Variants in AMZ2 observed in about 807,000 individuals in gnomAD.
AMZ2 encodes archaelysin family metallopeptidase 2, also known as archaemetzincin-2.
A neutral mutation model predicts 36.7 loss-of-function variants in AMZ2; 26 were observed. The ratio of observed to expected loss-of-function variants is 0.71; its 90% CI spans 0.52 to 0.98. The LOEUF (loss-of-function observed/expected upper bound fraction) is 0.98, where lower values mean the gene tolerates loss of function less well. Ranked by LOEUF, AMZ2 falls within the 50% of genes least tolerant of loss-of-function variation. The probability of loss-of-function intolerance (pLI) is 0.00; values close to 1 mark genes in which losing one functional copy is unlikely to be tolerated. For synonymous variants in AMZ2, 144 were observed against 149.1 expected, an observed-to-expected ratio of 0.97 and a Z score of 0.25; for missense variants, 394 against 430.5, an observed-to-expected ratio of 0.92 and a Z score of 0.75.
At position 68,255,881 on chromosome 17, in the gene AMZ2, G is replaced by T. The variant is rs782281009; in HGVS notation, c.927+5G>T. 1 of 1,613,808 alleles carries T rather than the reference G, an allele frequency of 6.2e-7. No homozygotes were observed. Reference sequence around the variant, plus strand: ...AGCATTGTAGAAAGATACAAAGTAAGTTGGGGGGTGGACAGTCTAAAGAGG... The same window carrying T: ...AGCATTGTAGAAAGATACAAAGTAATTTGGGGGGTGGACAGTCTAAAGAGG... On this transcript the variant is annotated splice_donor_5th_base_variant and intron_variant, in intron 6 of 6. Transcript: ENST00000359904.
At chr17:68,237,442 C>T (rs1162592340) in intron 1 of AMZ2, among the ~76,000 whole-genome samples, 1 of 152,246 alleles carries the variant, frequency 6.6e-6, no homozygotes. Flanking sequence ...TTTTAATCCA[C>T]GCAAGTGTCA....
chr17:68,226,282 C>G (rs1281329681), intron 1 of AMZ2, among the ~76,000 whole-genome samples: 2 of 152,174 alleles, frequency 1.3e-5, no homozygotes, highest in Non-Finnish European at 2.9e-5. Flanking sequence ...ACATTTGACT[C>G]TGTTTTGTGC....
intron 1 of AMZ2, among the ~76,000 whole-genome samples, chr17:68,230,216 G>A (rs1211552352): frequency 6.6e-6 from 1 of 152,128 alleles, no homozygotes; most frequent in African/African-American, 2.4e-5. Context: ...GGGATTACAG[G>A]TGCCCACCAC....
intron 1 of AMZ2, among the ~76,000 whole-genome samples, chr17:68,233,651 C>A (rs1175804692): frequency 1.3e-5 from 2 of 151,938 alleles, no homozygotes; most frequent in African/African-American, 2.4e-5. Context: ...ATCATTCTCT[C>A]TATGAGCTTG....
chr17:68,254,990 G>A (rs1282913630), intron 5 of AMZ2, among the ~76,000 whole-genome samples: 7 of 152,206 alleles, frequency 4.6e-5, no homozygotes, highest in Non-Finnish European at 1.0e-4. Flanking sequence ...TGTCCTGGCA[G>A]TTCCTGATAT....
intron 1 of AMZ2, among the ~76,000 whole-genome samples, chr17:68,240,441 A>G (rs2073878408): frequency 6.6e-6 from 1 of 152,218 alleles, no homozygotes; most frequent in Admixed American, 6.5e-5. Context: ...AAAGATAGAA[A>G]ATAATTGATG....
intron 1 of AMZ2, among the ~76,000 whole-genome samples, chr17:68,217,368 A>G (rs1210372873): frequency 1.3e-5 from 2 of 152,234 alleles, no homozygotes; most frequent in Non-Finnish European, 2.9e-5. Flanking sequence ...TTTAAAAGCT[A>G]TAGTCGTCAT....
intron 1 of AMZ2, among the ~76,000 whole-genome samples, chr17:68,230,116 A>G (rs2073622951): frequency 6.6e-6 from 1 of 152,084 alleles, no homozygotes; most frequent in Non-Finnish European, 1.5e-5. Context: ...CTTGTCGTCC[A>G]GGTTGGAGTG....
intron 1 of AMZ2, among the ~76,000 whole-genome samples, chr17:68,208,824 C>G (rs1287628250): frequency 1.3e-5 from 2 of 151,988 alleles, no homozygotes; most frequent in African/African-American, 4.8e-5. Context: ...CGGTAACACT[C>G]ACCTGGAAGG....
chr17:68,227,865 A>G (rs1294720957), intron 1 of AMZ2, among the ~76,000 whole-genome samples: 1 of 152,188 alleles, frequency 6.6e-6, no homozygotes, highest in Non-Finnish European at 1.5e-5. Flanking sequence ...AACTGTATTT[A>G]GGGCCCACCC....
At chr17:68,218,610 G>A (rs2073264090) in intron 1 of AMZ2, among the ~76,000 whole-genome samples, 1 of 152,132 alleles carries the variant, frequency 6.6e-6, no homozygotes, top group Non-Finnish European at 1.5e-5. Context: ...TGAGCTTATT[G>A]ACTTTAGTTG....
chr17:68,206,954 C>T (rs2072852581), intron 1 of AMZ2: 1 of 152,522 alleles, frequency 6.6e-6, no homozygotes, highest in Non-Finnish European at 1.5e-5. Context: ...TTTGGTTATT[C>T]ATTCGATTCA....
rs146568088 is a variant in AMZ2 at position 68,254,514 on chromosome 17, G to A, written c.697G>A (p.Asp233Asn). 48 of 1,613,116 alleles carry A rather than the reference G, an allele frequency of 3.0e-5. No homozygotes were observed. The highest frequency in any genetic ancestry group is 1.7e-4 in the Middle Eastern group (1 of 5,882). ...KTSSSDYSIF[D>N]NYYIPEITSV... ...ATCTTCAAGTGACTATTCAATTTTCGACAACTATTATATTCCAGAAATAAC... is the reference window on the plus strand; with the variant it reads ...ATCTTCAAGTGACTATTCAATTTTCAACAACTATTATATTCCAGAAATAAC... Residue 233 changes from aspartate to asparagine, a missense_variant, in exon 5 of 7, where the codon GAC (aspartate) becomes AAC (asparagine). Asp to Asn is a conservative substitution (Grantham distance 23). Coordinates refer to ENST00000359904, the MANE Select transcript of AMZ2 (RefSeq NM_016627.5).
At chr17:68,240,079 T>G (rs555549845) in intron 1 of AMZ2, among the ~76,000 whole-genome samples, 1 of 152,340 alleles carries the variant, frequency 6.6e-6, no homozygotes, top group Non-Finnish European at 1.5e-5. Flanking sequence ...TTCTAGGAAC[T>G]GGAATCCAAG....
intron 1 of AMZ2, among the ~76,000 whole-genome samples, chr17:68,209,092 C>T (rs782535532): frequency 2.0e-5 from 3 of 151,998 alleles, no homozygotes; most frequent in South Asian, 2.1e-4. Flanking sequence ...CAGACTTGTC[C>T]GGGGAGGCTG....
chr17:68,255,885 G>T lies in AMZ2; in HGVS notation c.927+9G>T, dbSNP rs781970715. On this transcript the variant is annotated intron_variant, in intron 6 of 6. Coordinates refer to ENST00000359904, the MANE Select transcript of AMZ2 (RefSeq NM_016627.5). ...TTGTAGAAAGATACAAAGTAAGTTG[G>T]GGGGTGGACAGTCTAAAGAGGGGGA... is the stretch of plus-strand genomic sequence containing the variant. The T allele has an allele frequency of 3.7e-6, 6 of 1,613,604 alleles. No individual in the cohort carries two copies. The highest frequency in any genetic ancestry group is 5.1e-6 in the Non-Finnish European group (6 of 1,179,766).
chr17:68,207,676 G>T (rs1184528598), intron 1 of AMZ2, among the ~76,000 whole-genome samples: 2 of 152,212 alleles, frequency 1.3e-5, no homozygotes, highest in Non-Finnish European at 2.9e-5. Context: ...TTGTCCTAAT[G>T]AGAGGTGACA....
At chr17:68,256,168 T>G (rs527459875) in intron 6 of AMZ2, among the ~76,000 whole-genome samples, 17 of 152,334 alleles carry the variant, frequency 1.1e-4, no homozygotes, top group Admixed American at 4.6e-4. Flanking sequence ...AATATTGATA[T>G]GTGTGGCAGA....
chr17:68,247,332 T>A (rs1222848343), upstream of AMZ2: 2 of 79,718 alleles, frequency 2.5e-5, no homozygotes, highest in Non-Finnish European at 2.0e-5. Flanking sequence ...CAAGACTCCG[T>A]CTCCAAAAAA....
Sources: gnomAD v4.1 joint callset for allele counts (sites outside exome capture counted in the v4.1 genomes callset) on GRCh38, gnomAD v4.1.1 for gene constraint, MANE v1.5 for transcripts, NCBI Gene and HGNC (gene_info 2026-07-23, HGNC 2026-07-21) for gene names.